CEACAM18: variants seen among roughly 807,000 people sequenced by gnomAD.
CEACAM18 encodes CEA cell adhesion molecule 18, also known as cell adhesion molecule CEACAM18.
In CEACAM18, 33 loss-of-function variants were observed where a neutral mutation model predicts 34.3. That is an observed-to-expected ratio of 0.96 (90% CI 0.73 to 1.29). The LOEUF (loss-of-function observed/expected upper bound fraction) is 1.29, where lower values mean the gene tolerates loss of function less well. CEACAM18 is among the 50% of genes most tolerant of loss of function. The probability of loss-of-function intolerance (pLI) is 0.00; values close to 1 mark genes in which losing one functional copy is unlikely to be tolerated. For missense variants in CEACAM18, 474 were observed against 485.0 expected, an observed-to-expected ratio of 0.98 and a Z score of 0.21; for synonymous variants, 169 against 180.9, an observed-to-expected ratio of 0.93 and a Z score of 0.53.
chr19:51,480,213 T>A (rs1453385953), intron 1 of CEACAM18, 120 bp from the exon 2 acceptor site: 1 of 809,538 alleles, frequency 1.2e-6, no homozygotes, highest in African/African-American at 1.7e-5. Context: ...CAGAAACTCT[T>A]GCCTGGTTCA....
intron 1 of CEACAM18, among the ~76,000 whole-genome samples, chr19:51,479,669 G>T (rs912546169): frequency 6.6e-6 from 1 of 152,170 alleles, no homozygotes; most frequent in African/African-American, 2.4e-5. Flanking sequence ...GCTGAGACCT[G>T]AGTGATGAAT....
rs1246776717 is a variant in CEACAM18, at chr19:51,490,831, G to A, written c.*179G>A. The A allele has an allele frequency of 7.6e-6, 3 of 393,162 alleles. No individual in the cohort carries two copies. The East Asian group carries it at 1.1e-4, about 14-fold the overall frequency. 24.4% of individuals were successfully genotyped at this position (393,162 alleles called of 1,614,324 possible). A position where few individuals can be genotyped will look rare whatever the true frequency, so the allele number is the denominator to read the frequency against. ...CCACCCGGGACCTGAAGATGATGTC[G>A]TGGGTAGCGTGGCCATTGGGCGCTT... On this transcript the variant is annotated 3_prime_UTR_variant, in exon 6 of 6. Transcript: ENST00000396477.
intron 3 of CEACAM18, 53 bp from the exon 4 acceptor site, chr19:51,482,964 G>C (rs375577332): frequency 1.3e-6 from 2 of 1,585,660 alleles, no homozygotes; most frequent in Non-Finnish European, 8.6e-7. Context: ...TTCATGAGAC[G>C]GGACGCCGAG....
At chr19:51,485,088 C>T in exon 5 of CEACAM18, 1 of 1,532,776 alleles carries the variant, frequency 6.5e-7, no homozygotes, top group Non-Finnish European at 8.7e-7. Context: ...CTGTGGAGTC[C>T]TGATCCATGC....
chr19:51,484,318 C>T (rs971606095), intron 4 of CEACAM18, among the ~76,000 whole-genome samples: 1 of 141,382 alleles, frequency 7.1e-6, no homozygotes, highest in Non-Finnish European at 1.5e-5. Flanking sequence ...GCTGGGGAAG[C>T]TTTTTTTTTT....
chr19:51,482,727 G>A (rs1213290658), intron 3 of CEACAM18, among the ~76,000 whole-genome samples: 2 of 152,238 alleles, frequency 1.3e-5, no homozygotes, highest in Non-Finnish European at 2.9e-5. Flanking sequence ...GTGGGGACAG[G>A]CACAGAGCTT....
chr19:51,484,819 G>A (rs1338831520), intron 4 of CEACAM18, 168 bp from the exon 5 acceptor site: 1 of 782,632 alleles, frequency 1.3e-6, no homozygotes, highest in African/African-American at 1.7e-5. Context: ...CATGGGTACA[G>A]GGAGTTTGTT....
chr19:51,490,336 C>T (rs547263065), intron 5 of CEACAM18, among the ~76,000 whole-genome samples: 3 of 152,200 alleles, frequency 2.0e-5, no homozygotes, highest in Admixed American at 2.0e-4. Flanking sequence ...TCAGCTTCAC[C>T]CGGCCTCTTT....
At chr19:51,486,889 TTTG>T (rs1366071431) in intron 5 of CEACAM18, among the ~76,000 whole-genome samples, 5 of 148,520 alleles carry the variant, frequency 3.4e-5, no homozygotes, top group African/African-American at 1.3e-4. Context: ...GGCTAATTTT[TTTG>T]TTTTTTTTTT....
At chr19:51,485,216 G>C in intron 5 of CEACAM18, 94 bp downstream of exon 5, 2 of 1,286,586 alleles carry the variant, frequency 1.6e-6, no homozygotes, top group Non-Finnish European at 2.1e-6. Context: ...AGAGCCAGAA[G>C]GGGAGGGATA....
intron 4 of CEACAM18, 132 bp downstream of exon 4, chr19:51,483,428 C>T (rs534408836): frequency 1.1e-5 from 12 of 1,117,876 alleles, no homozygotes; most frequent in Non-Finnish European, 1.6e-5. Flanking sequence ...GTGAAATCTC[C>T]CAGTTCTCTG....
chr19:51,480,652 A>G (rs376757767), exon 2 of CEACAM18: 129 of 1,613,022 alleles, frequency 8.0e-5, no homozygotes, highest in Non-Finnish European at 1.1e-5. Flanking sequence ...ATGAGACCCA[A>G]AGAGCAACCG....
rs762062633 is a variant in CEACAM18, at chr19:51,481,383, C to T, written c.401-10C>T. 1 of 1,612,124 alleles carries T rather than the reference C, an allele frequency of 6.2e-7. No homozygotes were observed. The highest frequency in any genetic ancestry group is 8.5e-7 in the Non-Finnish European group (1 of 1,178,744). ...ACTTGTAATTTTTTTCTCTTTCCTG[C>T]TTCACCCAGAGTTGGGAAGCAATCT... is the stretch of plus-strand genomic sequence containing the variant. On this transcript the variant is annotated splice_polypyrimidine_tract_variant and intron_variant, in intron 2 of 5. Transcript: ENST00000396477.
At chr19:51,488,720 G>A (rs938255428) in intron 5 of CEACAM18, among the ~76,000 whole-genome samples, 1 of 152,162 alleles carries the variant, frequency 6.6e-6, no homozygotes, top group Admixed American at 6.5e-5. Flanking sequence ...CACAAGGGCT[G>A]CAGAAGGTGC....
intron 5 of CEACAM18, 72 bp downstream of exon 5, chr19:51,485,194 C>T (rs1163382366): frequency 5.0e-6 from 7 of 1,397,170 alleles, no homozygotes; most frequent in Non-Finnish European, 6.6e-6. Context: ...GCCCTCCCTC[C>T]AGAGGGGAAG....
At chr19:51,480,251 T>C in intron 1 of CEACAM18, 82 bp from the exon 2 acceptor site, 1 of 1,142,512 alleles carries the variant, frequency 8.8e-7, no homozygotes, top group African/African-American at 1.6e-5. Context: ...CGTTCCCGGA[T>C]GGTGTCTTTT....
At chr19:51,490,845 C>T in exon 6 of CEACAM18, 1 of 388,924 alleles carries the variant, frequency 2.6e-6, no homozygotes, top group Non-Finnish European at 4.5e-6. Context: ...GTAGCGTGGC[C>T]ATTGGGCGCT....
intron 1 of CEACAM18, among the ~76,000 whole-genome samples, chr19:51,478,919 CACATGTGGTGTT>C (rs1989858567): frequency 1.3e-5 from 2 of 151,682 alleles, no homozygotes; most frequent in South Asian, 4.2e-4. Flanking sequence ...CACAGACCCA[CACATGTGGTGTT>C]ACACACACAC....
At chr19:51,490,751 A>G (rs1454032949) in exon 6 of CEACAM18, 10 of 604,774 alleles carry the variant, frequency 1.7e-5, no homozygotes, top group Admixed American at 4.4e-5. Context: ...AGAGGGACCC[A>G]GCCCAGTCAC....
Sources: gnomAD v4.1 joint callset for allele counts (sites outside exome capture counted in the v4.1 genomes callset) on GRCh38, gnomAD v4.1.1 for gene constraint, MANE v1.5 for transcripts, NCBI Gene and HGNC (gene_info 2026-07-23, HGNC 2026-07-21) for gene names.